Variants in PTPRQ observed in about 807,000 individuals in gnomAD.
The protein encoded by PTPRQ is phosphatidylinositol phosphatase PTPRQ.
A neutral mutation model predicts 246.0 loss-of-function variants in PTPRQ; 199 were observed. That is an observed-to-expected ratio of 0.81 (90% CI 0.72 to 0.91). The LOEUF (loss-of-function observed/expected upper bound fraction) is 0.91, where lower values mean the gene tolerates loss of function less well. Ranked by LOEUF, PTPRQ falls within the 40% of genes least tolerant of loss-of-function variation. PTPRQ has a pLI of 0.00. For synonymous variants in PTPRQ, 869 were observed against 853.2 expected (o/e 1.02, Z -0.32); for missense variants, 2,624 against 2,528.4 (o/e 1.04, Z -0.81).
At chr12:80,578,226 C>A (rs530614105) in intron 25 of PTPRQ, among the ~76,000 whole-genome samples, 22 of 123,020 alleles carry the variant, frequency 1.8e-4, no homozygotes, top group African/African-American at 6.1e-4. Flanking sequence ...CCCCCTCCCC[C>A]CACCCCACAA....
intron 25 of PTPRQ, among the ~76,000 whole-genome samples, chr12:80,563,962 C>A (rs1400936505): frequency 6.8e-6 from 1 of 147,018 alleles, no homozygotes; most frequent in Non-Finnish European, 1.5e-5. Context: ...TCTTTCTGTG[C>A]TTTTTTTTTT....
At chr12:80,666,639 C>CAT (rs1900795375) in intron 39 of PTPRQ, among the ~76,000 whole-genome samples, 1 of 151,882 alleles carries the variant, frequency 6.6e-6, no homozygotes, top group Non-Finnish European at 1.5e-5. Context: ...TTACACATTG[C>CAT]ATACATGTAT....
intron 25 of PTPRQ, among the ~76,000 whole-genome samples, chr12:80,555,785 C>T (rs1394432255): frequency 6.6e-6 from 1 of 152,098 alleles, no homozygotes; most frequent in African/African-American, 2.4e-5. Context: ...TCAGTGTGAA[C>T]ATCAGGTGAG....
rs994116157 is a variant in PTPRQ, at chr12:80,606,664, T to A, written c.4731+1484T>A. Among the ~76,000 whole-genome samples, 4 of 151,014 alleles carry A rather than the reference T, an allele frequency of 2.6e-5. No individual in the cohort carries two copies. The Admixed American group carries it at 2.7e-4, about 10-fold the overall frequency. On this transcript the variant is annotated intron_variant, in intron 27 of 44. Coordinates refer to ENST00000644991, the MANE Select transcript of PTPRQ (RefSeq NM_001145026.2). ...CCAACTTTATAATTTTATTATGTCT[T>A]TGTAGTATTCCTTAAATGGAGATAT...
At chr12:80,608,425 G>A (rs1898412909) in intron 27 of PTPRQ, among the ~76,000 whole-genome samples, 1 of 150,294 alleles carries the variant, frequency 6.7e-6, no homozygotes, top group African/African-American at 2.4e-5. Flanking sequence ...CAAATTTGAG[G>A]ACCGAGAATT....
rs778431539 is a variant in PTPRQ at position 80,569,129 on chromosome 12, CTT to C, written c.4286-18981_4286-18980del. Among the ~76,000 whole-genome samples, 840 of 97,548 alleles carry C rather than the reference CTT, an allele frequency of 8.6e-3. 17 individuals carry two copies. The South Asian group carries it at 0.089, about 10-fold the overall frequency. The allele number at this position is 97,548 out of a possible 152,430, so 64.0% of individuals were successfully genotyped here. On this transcript the variant is annotated intron_variant, in intron 25 of 44. Coordinates refer to ENST00000644991, the MANE Select transcript of PTPRQ (RefSeq NM_001145026.2). The stretch of plus-strand genomic sequence containing the variant: ...TTCTTTATACATTTTGGATACAATT[CTT>C]TTTTTTTTTTTTTTTTTTACTTTTT...
intron 17 of PTPRQ, among the ~76,000 whole-genome samples, chr12:80,531,835 A>G (rs1032514736): frequency 6.6e-6 from 1 of 152,194 alleles, no homozygotes; most frequent in Non-Finnish European, 1.5e-5. Flanking sequence ...TTTTTAGCTT[A>G]ATTTTGTCTC....
intron 3 of PTPRQ, among the ~76,000 whole-genome samples, chr12:80,449,380 T>A (rs1218571948): frequency 6.6e-6 from 1 of 152,234 alleles, no homozygotes; most frequent in East Asian, 1.9e-4. Context: ...TTTAGTTTAA[T>A]GAGATCCCAT....
intron 14 of PTPRQ, among the ~76,000 whole-genome samples, chr12:80,500,999 A>G (rs1055720330): frequency 6.6e-6 from 1 of 151,944 alleles, no homozygotes; most frequent in Non-Finnish European, 1.5e-5. Context: ...GCCCAGTGAT[A>G]TTAATGAGGT....
At chr12:80,643,665 A>T (rs1899972059) in intron 35 of PTPRQ, among the ~76,000 whole-genome samples, 1 of 152,174 alleles carries the variant, frequency 6.6e-6, no homozygotes, top group African/African-American at 2.4e-5. Context: ...AAAGAAAACT[A>T]ATAGGAAATA....
At chr12:80,542,415 C>G (rs1896183449) in intron 22 of PTPRQ, 51 bp downstream of exon 22, 2 of 1,504,740 alleles carry the variant, frequency 1.3e-6, no homozygotes, top group Admixed American at 2.8e-5. Flanking sequence ...GCAGCGCCTG[C>G]TCTCTCTTTT....
Position 80,673,163 on chromosome 12 carries a change from C to T in PTPRQ, c.6603-6C>T, listed in dbSNP as rs992005920. ...ATAATTTTCATGTAATTTACCCTTC[C>T]TGTAGTGCTGGAGTTGGAAGAACTG... On this transcript the variant is annotated splice_polypyrimidine_tract_variant and splice_region_variant and intron_variant, in intron 42 of 44. Coordinates refer to ENST00000644991, the MANE Select transcript of PTPRQ (RefSeq NM_001145026.2). 3 of 1,550,220 alleles carry T rather than the reference C, an allele frequency of 1.9e-6. No homozygotes were observed. The highest frequency in any genetic ancestry group is 2.6e-6 in the Non-Finnish European group (3 of 1,145,966).
At chr12:80,543,917 T>C (rs966711101) in intron 23 of PTPRQ, among the ~76,000 whole-genome samples, 2 of 152,142 alleles carry the variant, frequency 1.3e-5, no homozygotes, top group African/African-American at 4.8e-5. Flanking sequence ...CATTATTCCA[T>C]TTTTTATTTG....
chr12:80,499,960 A>G (rs1187338963), intron 14 of PTPRQ, among the ~76,000 whole-genome samples: 2 of 151,970 alleles, frequency 1.3e-5, no homozygotes, highest in African/African-American at 4.8e-5. Context: ...TTTTTAAGAC[A>G]CAACCATCTT....
In PTPRQ at chr12:80,670,344, C is replaced by T; in HGVS notation, c.6454C>T (p.His2152Tyr). Residue 2152 changes from histidine to tyrosine, a missense_variant and splice_region_variant, in exon 42 of 45, where the codon CAT becomes TAT. Coordinates refer to ENST00000644991, the MANE Select transcript of PTPRQ (RefSeq NM_001145026.2). ...WTIRDLKIER[H>Y]GDCMTVRQCN... The stretch of plus-strand genomic sequence containing the variant: ...TTCATTAATCCGTCCCTTTGTCTAG[C>T]ATGGGGATTGCATGACTGTTCGACA... The T allele has an allele frequency of 6.5e-7, 1 of 1,550,378 alleles. No homozygotes were observed. The highest frequency in any genetic ancestry group is 2.0e-5 in the Admixed American group (1 of 50,866).
chr12:80,496,632 C>T (rs2120659464), intron 14 of PTPRQ, 101 bp downstream of exon 14: 1 of 1,354,524 alleles, frequency 7.4e-7, no homozygotes, highest in Non-Finnish European at 9.8e-7. Flanking sequence ...CCTAAAATCC[C>T]TCATTATTTT....
At chr12:80,507,755 C>T (rs936915230) in intron 16 of PTPRQ, among the ~76,000 whole-genome samples, 2 of 151,766 alleles carry the variant, frequency 1.3e-5, no homozygotes, top group African/African-American at 4.8e-5. Context: ...AACTTACCTG[C>T]CCAAATTCCA....
At chr12:80,445,791 C>T in intron 3 of PTPRQ, 74 bp downstream of exon 3, 1 of 982,994 alleles carries the variant, frequency 1.0e-6, no homozygotes, top group Admixed American at 2.0e-5. Context: ...GTTTTTCTCA[C>T]CTTGTCAAGC....
chr12:80,491,757 T>A (rs923005064), intron 9 of PTPRQ, among the ~76,000 whole-genome samples: 1 of 151,960 alleles, frequency 6.6e-6, no homozygotes, highest in Non-Finnish European at 1.5e-5. Context: ...TTTACTGAAC[T>A]TTTTCCTGAG....
Sources: gnomAD v4.1 joint callset for allele counts (sites outside exome capture counted in the v4.1 genomes callset) on GRCh38, gnomAD v4.1.1 for gene constraint, MANE v1.5 for transcripts, NCBI Gene and HGNC (gene_info 2026-07-23, HGNC 2026-07-21) for gene names.